WDFY3: variants seen among roughly 807,000 people sequenced by gnomAD.
WDFY3 encodes WD repeat and FYVE domain containing 3.
In WDFY3, 66 loss-of-function variants were observed where a neutral mutation model predicts 409.6. The observed-to-expected ratio is 0.16, with a 90% CI of 0.13 to 0.20. The LOEUF (loss-of-function observed/expected upper bound fraction) is 0.20. WDFY3 is among the 10% of genes least tolerant of loss of function. WDFY3 has a pLI of 1.00. For synonymous variants in WDFY3, 1,521 were observed against 1,537.1 expected (o/e 0.99, Z 0.25); for missense variants, 3,031 against 4,298.1 (o/e 0.71, Z 8.24).
At chr4:84,775,700 T>C (rs966874294) in intron 27 of WDFY3, among the ~76,000 whole-genome samples, 5 of 151,500 alleles carry the variant, frequency 3.3e-5, no homozygotes, top group African/African-American at 4.8e-5. Flanking sequence ...GGAAAAATCA[T>C]TGAAGAAATA....
chr4:84,947,506 C>T (rs1280636070), intron 1 of WDFY3, among the ~76,000 whole-genome samples: 7 of 131,236 alleles, frequency 5.3e-5, no homozygotes, highest in East Asian at 2.2e-4. Context: ...AGCGAGAATC[C>T]GTCTCAAAAA....
At chr4:84,850,893 G>A (rs1344277054) in intron 4 of WDFY3, among the ~76,000 whole-genome samples, 4 of 121,560 alleles carry the variant, frequency 3.3e-5, no homozygotes, top group African/African-American at 6.2e-5. Context: ...ATGAGCTTTA[G>A]AATAAATAAT....
intron 63 of WDFY3, 60 bp from the exon 64 acceptor site, chr4:84,682,530 C>T (rs560133849): frequency 1.4e-5 from 19 of 1,320,496 alleles, no homozygotes; most frequent in Admixed American, 5.4e-5. Context: ...AACCAATTTA[C>T]ATTACTCAAT....
chr4:84,810,104 T>C lies in WDFY3; in HGVS notation c.2128A>G (p.Ile710Val). ...GCATCTGCCAACTTCTCATACTGAA[T>C]CTCTGTTTTGAAGAAATGAGAGTTG... ...PANSHFFKTE[I>V]QYEKLADAVR... is the part of the protein sequence containing the mutation. The change falls in exon 14 of 68, where the codon ATT (isoleucine) becomes GTT (valine). Residue 710 changes from isoleucine to valine, a missense_variant. Physicochemically the swap from Ile to Val is conservative, Grantham distance 29. Around this residue, in one of 16 missense-constraint regions of WDFY3, gnomAD observed 1,322 missense variants for 1,697.9 expected, o/e 0.78. Coordinates refer to ENST00000295888, the MANE Select transcript of WDFY3 (RefSeq NM_014991.6). The C allele has an allele frequency of 6.2e-7, 1 of 1,614,168 alleles. No individual in the cohort carries two copies. The highest frequency in any genetic ancestry group is 1.3e-5 in the African/African-American group (1 of 75,052).
At chr4:84,953,053 A>T (rs1280808138) in intron 1 of WDFY3, among the ~76,000 whole-genome samples, 1 of 152,078 alleles carries the variant, frequency 6.6e-6, no homozygotes, top group East Asian at 1.9e-4. Flanking sequence ...TATCAAATGG[A>T]TTAAGAAACT....
At chr4:84,809,407 T>A (rs1752094883) in intron 14 of WDFY3, 1 of 153,574 alleles carries the variant, frequency 6.5e-6, no homozygotes. Flanking sequence ...TTGAGTCTGA[T>A]GGCCTCTTGA....
chr4:84,684,206 C>G, intron 62 of WDFY3, 81 bp from the exon 63 acceptor site: 1 of 1,370,762 alleles, frequency 7.3e-7, no homozygotes, highest in African/African-American at 1.4e-5. Context: ...GAATCCCTGG[C>G]CTAGTTCTCA....
chr4:84,721,628 C>A, intron 46 of WDFY3, 56 bp from the exon 47 acceptor site: 1 of 1,584,878 alleles, frequency 6.3e-7, no homozygotes, highest in East Asian at 2.2e-5. Flanking sequence ...TGTGGGGAAG[C>A]AGTTTAGTCT....
Position 84,737,410 on chromosome 4 carries a change from T to C in WDFY3, c.6575-44A>G, listed in dbSNP as rs375650215. ...AACAAACAAAAAAGTAAGCAAATGA[T>C]CAAAACACAGTATAAAGTTAGTTTT... On this transcript the variant is annotated intron_variant, in intron 40 of 67. Transcript: ENST00000295888. 1.9e-5 allele frequency: 28 copies of C among 1,513,170 alleles called. 1 individual carries two copies. The highest frequency in any genetic ancestry group is 1.8e-4 in the East Asian group (8 of 43,700). 93.7% of individuals were successfully genotyped at this position (1,513,170 alleles called of 1,614,324 possible). A position where few individuals can be genotyped will look rare whatever the true frequency, so the allele number is the denominator to read the frequency against.
chr4:84,800,633 T>C (rs971707731), intron 17 of WDFY3, among the ~76,000 whole-genome samples: 1 of 152,186 alleles, frequency 6.6e-6, no homozygotes, highest in Non-Finnish European at 1.5e-5. Context: ...ATTCTCAAAA[T>C]CAGTGGTACC....
chr4:84,697,017 G>T (rs1730263058), intron 56 of WDFY3, among the ~76,000 whole-genome samples, 194 bp from the exon 57 acceptor site: 1 of 152,134 alleles, frequency 6.6e-6, no homozygotes, highest in African/African-American at 2.4e-5. Flanking sequence ...AGCAGAAAGA[G>T]TTACTAAGTC....
chr4:84,684,367 A>G (rs1727941498), intron 62 of WDFY3, among the ~76,000 whole-genome samples: 1 of 152,172 alleles, frequency 6.6e-6, no homozygotes, highest in Non-Finnish European at 1.5e-5. Flanking sequence ...ACGGATGGAG[A>G]CAAAGGGCAG....
intron 3 of WDFY3, among the ~76,000 whole-genome samples, chr4:84,861,799 G>A (rs1760682146): frequency 6.6e-6 from 1 of 152,176 alleles, no homozygotes; most frequent in African/African-American, 2.4e-5. Flanking sequence ...ATCAGTAACA[G>A]TAAGCTTTCA....
chr4:84,829,263 G>A, intron 8 of WDFY3, 73 bp from the exon 9 acceptor site: 1 of 1,214,458 alleles, frequency 8.2e-7, no homozygotes. Context: ...ATTGTTAACT[G>A]TTGTTTAATG....
Position 84,753,740 on chromosome 4 carries a change from G to A in WDFY3, c.5696C>T (p.Ala1899Val). 6.2e-7 allele frequency: 1 copy of A among 1,605,708 alleles called. No homozygotes were observed. ...WMSPDFLCAL[A>V]ATVFPFNIRP... ...AATATTGAAGGGGAAGACGGTGGCT[G>A]CTAATGCACACAGGAAGTCAGGGCT... The change falls in exon 35 of 68, where the codon GCA becomes GTA. Residue 1899 changes from alanine to valine, a missense_variant. Physicochemically the swap from Ala to Val is moderately conservative, Grantham distance 64 (BLOSUM62 0). Around this residue, in one of 16 missense-constraint regions of WDFY3, gnomAD observed 342 missense variants for 463.7 expected, o/e 0.74. Transcript: ENST00000295888.
At chr4:84,893,922 G>C (rs1407986628) in intron 3 of WDFY3, among the ~76,000 whole-genome samples, 3 of 152,042 alleles carry the variant, frequency 2.0e-5, no homozygotes, top group African/African-American at 7.2e-5. Context: ...CCAGGAGGCA[G>C]AGGTTGCAAT....
intron 3 of WDFY3, among the ~76,000 whole-genome samples, chr4:84,867,606 G>GA (rs1392774402): frequency 2.6e-5 from 4 of 152,126 alleles, no homozygotes; most frequent in African/African-American, 9.7e-5. Flanking sequence ...GTTAATAAGA[G>GA]AAAACCACTT....
intron 3 of WDFY3, among the ~76,000 whole-genome samples, chr4:84,893,945 C>A (rs540143370): frequency 6.6e-6 from 1 of 151,566 alleles, no homozygotes. Flanking sequence ...GCCGAGGCTG[C>A]GCCATTGCAC....
At chr4:84,889,493 T>C (rs1420791731) in intron 3 of WDFY3, among the ~76,000 whole-genome samples, 2 of 152,148 alleles carry the variant, frequency 1.3e-5, no homozygotes, top group Non-Finnish European at 2.9e-5. Context: ...TCTCAATATG[T>C]GATTAAAAAA....
Sources: allele counts gnomAD v4.1 joint callset (sites outside exome capture counted in the v4.1 genomes callset), GRCh38; gene constraint gnomAD v4.1.1; regional missense constraint gnomAD v4.1.1; transcripts MANE v1.5; gene names NCBI Gene and HGNC (gene_info 2026-07-23, HGNC 2026-07-21).